Variants in HMCN1 observed in about 807,000 individuals in gnomAD.
HMCN1 encodes the protein hemicentin 1.
A neutral mutation model predicts 625.9 loss-of-function variants in HMCN1; 321 were observed. The observed-to-expected ratio is 0.51, with a 90% confidence interval of 0.47 to 0.56. The LOEUF (loss-of-function observed/expected upper bound fraction) is 0.56, where lower values mean the gene tolerates loss of function less well. HMCN1 is among the 20% of genes least tolerant of loss of function. The probability of loss-of-function intolerance (pLI) is 0.00; values close to 1 mark genes in which losing one functional copy is unlikely to be tolerated. For synonymous variants in HMCN1, 2,425 were observed against 2,417.6 expected (o/e 1.00, Z -0.09); for missense variants, 6,588 against 6,887.3 (o/e 0.96, Z 1.54).
chr1:186,118,092 CTGAG>C (rs1057277105), intron 77 of HMCN1, among the ~76,000 whole-genome samples: 8 of 151,992 alleles, frequency 5.3e-5, no homozygotes, highest in African/African-American at 1.7e-4. Flanking sequence ...GTATGTAAGA[CTGAG>C]TGAGTAGCGA....
At chr1:185,756,773 T>C (rs1655158158) in intron 1 of HMCN1, among the ~76,000 whole-genome samples, 1 of 152,186 alleles carries the variant, frequency 6.6e-6, no homozygotes, top group Non-Finnish European at 1.5e-5. Flanking sequence ...TTGCTCCTTC[T>C]AACTTTAAAA....
chr1:185,871,155 G>T (rs1663593338), intron 4 of HMCN1, among the ~76,000 whole-genome samples: 1 of 151,828 alleles, frequency 6.6e-6, no homozygotes, highest in South Asian at 2.1e-4. Flanking sequence ...CTTGAGGCTG[G>T]GAGGCAGAAG....
chr1:185,950,862 G>A (rs1164567164), intron 11 of HMCN1, among the ~76,000 whole-genome samples: 5 of 151,188 alleles, frequency 3.3e-5, no homozygotes, highest in African/African-American at 7.4e-5. Context: ...GGGGTGGATA[G>A]GCAAAACAAT....
intron 24 of HMCN1, 150 bp downstream of exon 24, chr1:185,995,237 C>T (rs1652706733): frequency 2.7e-6 from 2 of 728,754 alleles, no homozygotes; most frequent in Non-Finnish European, 2.3e-6. Flanking sequence ...AAGAACCATT[C>T]CCAAAAGAAA....
chr1:185,922,554 T>C, intron 7 of HMCN1, 55 bp downstream of exon 7: 2 of 1,450,254 alleles, frequency 1.4e-6, no homozygotes, highest in East Asian at 2.5e-5. Context: ...ATGAAAAATA[T>C]TTCTCAGACT....
At chr1:185,835,259 C>T (rs973383835) in intron 1 of HMCN1, among the ~76,000 whole-genome samples, 1 of 152,164 alleles carries the variant, frequency 6.6e-6, no homozygotes, top group Non-Finnish European at 1.5e-5. Context: ...CCTGTGTGTG[C>T]TATCAGTTGG....
chr1:186,005,200 AT>A (rs1380297302), intron 29 of HMCN1, among the ~76,000 whole-genome samples: 4 of 146,000 alleles, frequency 2.7e-5, no homozygotes, highest in Non-Finnish European at 4.6e-5. Context: ...CAATTTTTTA[AT>A]TGTTTATAAA....
intron 1 of HMCN1, among the ~76,000 whole-genome samples, chr1:185,762,292 C>A (rs555202043): frequency 3.3e-5 from 5 of 152,248 alleles, no homozygotes; most frequent in African/African-American, 1.2e-4. Context: ...CAGTGAAGTT[C>A]TACTTTCAGC....
intron 50 of HMCN1, among the ~76,000 whole-genome samples, chr1:186,068,253 T>C (rs1226636416): frequency 6.6e-6 from 1 of 152,052 alleles, no homozygotes; most frequent in African/African-American, 2.4e-5. Context: ...AAAAGGCAAA[T>C]AAATAAATGC....
chr1:186,069,574 T>C lies in HMCN1; in HGVS notation c.7880-89T>C, dbSNP rs1658357640. ...TTGTCATATGTAAAAAGAAATATGT[T>C]AACAAGAAGACGTAAACCCCTGATA... is the stretch of plus-strand genomic sequence containing the variant. On this transcript the variant is annotated intron_variant, in intron 50 of 106. Transcript: ENST00000271588. The C allele has an allele frequency of 5.0e-6, 4 of 797,526 alleles. No homozygotes were observed. The East Asian group carries it at 1.0e-4, about 21-fold the overall frequency. 49.4% of individuals were successfully genotyped at this position (797,526 alleles called of 1,614,324 possible).
At chr1:186,016,610 T>C (rs1404912125) in intron 32 of HMCN1, among the ~76,000 whole-genome samples, 1 of 152,060 alleles carries the variant, frequency 6.6e-6, no homozygotes, top group Admixed American at 6.6e-5. Flanking sequence ...AAACTCAGTA[T>C]CTTTATCTAT....
intron 1 of HMCN1, among the ~76,000 whole-genome samples, chr1:185,787,141 ATGTGTGTGTGTGTG>A (rs375544191): frequency 7.8e-5 from 11 of 141,342 alleles, no homozygotes; most frequent in South Asian, 7.1e-4. Context: ...GCCATGATGT[ATGTGTGTGTGTGTG>A]TGTGTGTGTG....
Position 185,918,131 on chromosome 1 carries a change from T to C in HMCN1, c.901-4248T>C, listed in dbSNP as rs1182896781. Among the ~76,000 whole-genome samples, 5 of 152,122 alleles carry C rather than the reference T, an allele frequency of 3.3e-5. No homozygotes were observed. In the South Asian group the frequency reaches 8.3e-4, roughly 25 times the overall value. On this transcript the variant is annotated intron_variant, in intron 6 of 106. Coordinates refer to ENST00000271588, the MANE Select transcript of HMCN1 (RefSeq NM_031935.3). ...ACAATCTCAAGTCAAAGTCCCACAA[T>C]AGGCCATCTGCAAGCTGGGGAAGAA...
At position 186,067,684 on chromosome 1, in the gene HMCN1, CTT is replaced by C. The variant is rs1342655094; in HGVS notation, c.7706-147_7706-146del. The stretch of plus-strand genomic sequence containing the variant: ...CCTATGAGTTTTTTAAGGGATCACT[CTT>C]TTGTGTAAAATAATAATAATAATAA... On this transcript the variant is annotated intron_variant, in intron 49 of 106. Transcript: ENST00000271588. The C allele has an allele frequency of 1.5e-5, 9 of 598,728 alleles. No homozygotes were observed. The East Asian group carries it at 2.4e-4, about 16-fold the overall frequency. 37.1% of individuals were successfully genotyped at this position (598,728 alleles called of 1,614,324 possible).
rs114956172 is a variant in HMCN1, at chr1:185,737,245, C to G, written c.268+2198C>G. Among the ~76,000 whole-genome samples, 1,010 of 152,098 alleles carry G rather than the reference C, an allele frequency of 6.6e-3. 8 individuals carry two copies. The highest frequency in any genetic ancestry group is 0.027 in the Middle Eastern group (8 of 292). ...TCATGGCTCACTGCAGACTCAACCT[C>G]CTAGGCTCAAGCAGTCCTCTCACTT... On this transcript the variant is annotated intron_variant, in intron 1 of 106. Coordinates refer to ENST00000271588, the MANE Select transcript of HMCN1 (RefSeq NM_031935.3).
intron 40 of HMCN1, among the ~76,000 whole-genome samples, chr1:186,042,370 T>C (rs1425669144): frequency 6.6e-6 from 1 of 152,150 alleles, no homozygotes; most frequent in East Asian, 1.9e-4. Flanking sequence ...TGTAACACAA[T>C]AGTTCTTCAG....
At chr1:185,885,322 C>T (rs1664576043) in intron 4 of HMCN1, among the ~76,000 whole-genome samples, 1 of 151,792 alleles carries the variant, frequency 6.6e-6, no homozygotes, top group South Asian at 2.1e-4. Context: ...CATATAAAGG[C>T]ATACAGACAT....
At chr1:186,002,288 T>C (rs990323797) in intron 28 of HMCN1, among the ~76,000 whole-genome samples, 3 of 152,150 alleles carry the variant, frequency 2.0e-5, no homozygotes, top group Non-Finnish European at 4.4e-5. Flanking sequence ...TTTAAAATTT[T>C]ATAATTCTAG....
chr1:186,133,880 C>T (rs1285681021), intron 86 of HMCN1, among the ~76,000 whole-genome samples: 1 of 141,578 alleles, frequency 7.1e-6, no homozygotes, highest in African/African-American at 2.7e-5. Context: ...TGTGCTCAGC[C>T]CTCCTTAGGC....
Sources: gnomAD v4.1 joint callset for allele counts (sites outside exome capture counted in the v4.1 genomes callset) on GRCh38, gnomAD v4.1.1 for gene constraint, MANE v1.5 for transcripts, NCBI Gene and HGNC (gene_info 2026-07-23, HGNC 2026-07-21) for gene names.